Variants in TBC1D2 observed in about 807,000 individuals in gnomAD.
The protein encoded by TBC1D2 is TBC1 domain family member 2A.
Under a neutral mutation model 91.1 loss-of-function variants are expected in TBC1D2, and 58 were observed. The observed-to-expected ratio is 0.64, with a 90% CI of 0.52 to 0.79. The LOEUF is 0.79. Among genes scored for constraint, TBC1D2 ranks in the 30% least tolerant of loss-of-function variants. The pLI is 0.00. For synonymous variants in TBC1D2, 482 were observed against 511.5 expected (o/e 0.94, Z 0.78); for missense variants, 1,080 against 1,208.3 (o/e 0.89, Z 1.57).
chr9:98,236,065 G>A (rs2119153309), intron 3 of TBC1D2, among the ~76,000 whole-genome samples: 1 of 151,508 alleles, frequency 6.6e-6, no homozygotes, highest in South Asian at 2.1e-4. Context: ...TCAGGGAGTT[G>A]TCATGATCAA....
rs1461954980 is a variant in TBC1D2, at chr9:98,247,716, G to A, written c.512-3587C>T. On this transcript the variant is annotated intron_variant, in intron 2 of 12. Transcript: ENST00000465784. The stretch of plus-strand genomic sequence containing the variant: ...TGTACTCCAGCCTGGGTGACAGAGC[G>A]AGACTCCGTCTCAAAAAAAAAAAAA... 2.6e-5 allele frequency among the ~76,000 whole-genome samples: 3 copies of A among 114,060 alleles called. No individual in the cohort carries two copies. In the East Asian group the frequency reaches 7.3e-4, roughly 28 times the overall value. 74.8% of individuals were successfully genotyped at this position (114,060 alleles called of 152,430 possible). A position where few individuals can be genotyped will look rare whatever the true frequency, so the allele number is the denominator to read the frequency against.
intron 10 of TBC1D2, among the ~76,000 whole-genome samples, chr9:98,202,332 T>C (rs1170544124): frequency 6.6e-6 from 1 of 152,200 alleles, no homozygotes; most frequent in Non-Finnish European, 1.5e-5. Flanking sequence ...CATGGTTCTT[T>C]CGTGGTTCTC....
chr9:98,239,481 A>T (rs1829586099), intron 3 of TBC1D2, among the ~76,000 whole-genome samples: 1 of 152,230 alleles, frequency 6.6e-6, no homozygotes, highest in Non-Finnish European at 1.5e-5. Context: ...ACATAAATTG[A>T]ATTTCAGATG....
In TBC1D2 at chr9:98,199,355, G is replaced by T. The variant is rs1828417592; in HGVS notation, c.*26C>A. The stretch of plus-strand genomic sequence containing the variant: ...GGGTCTGCCAGCCAAGGGTGAGGAA[G>T]GCTGTGGGGAGGGGAGGTGGCCAAG... On this transcript the variant is annotated 3_prime_UTR_variant, in exon 13 of 13. Transcript: ENST00000465784. 1.2e-6 allele frequency: 2 copies of T among 1,611,702 alleles called. No individual in the cohort carries two copies. The highest frequency in any genetic ancestry group is 4.5e-5 in the East Asian group (2 of 44,886).
Position 98,208,989 on chromosome 9 carries a change from C to T in TBC1D2, c.1829G>A (p.Gly610Asp), listed in dbSNP as rs1376357094. 6.2e-7 allele frequency: 1 copy of T among 1,613,990 alleles called. No homozygotes were observed. The highest frequency in any genetic ancestry group is 8.5e-7 in the Non-Finnish European group (1 of 1,180,026). Residue 610 changes from glycine to aspartate, a missense_variant, in exon 9 of 13, where the codon GGC becomes GAC. Coordinates refer to ENST00000465784, the MANE Select transcript of TBC1D2 (RefSeq NM_001267571.2). Reference protein sequence around the residue: ...RPLRERWAALGDLVPSAELKQ... With the variant: ...RPLRERWAALDDLVPSAELKQ... The stretch of plus-strand genomic sequence containing the variant: ...GAGCTCGGCTGAGGGCACAAGATCG[C>T]CCAGGGCAGCCCAGCGCTCCCTCAG...
chr9:98,251,327 A>G (rs1829870042), intron 2 of TBC1D2, among the ~76,000 whole-genome samples: 1 of 151,742 alleles, frequency 6.6e-6, no homozygotes, highest in Non-Finnish European at 1.5e-5. Flanking sequence ...CCAACTCACG[A>G]CACAAATCTA....
intron 3 of TBC1D2, among the ~76,000 whole-genome samples, chr9:98,242,853 C>T (rs1829679348): frequency 8.3e-6 from 1 of 120,736 alleles, no homozygotes; most frequent in Non-Finnish European, 1.6e-5. Context: ...CACTCTGTTG[C>T]TCAGGCTAGG....
At chr9:98,219,791 A>G (rs1343327029) in intron 6 of TBC1D2, among the ~76,000 whole-genome samples, 1 of 152,222 alleles carries the variant, frequency 6.6e-6, no homozygotes, top group Non-Finnish European at 1.5e-5. Context: ...TTATGGGACC[A>G]TCACATATGC....
intron 3 of TBC1D2, chr9:98,235,230 G>T: frequency 3.3e-6 from 1 of 303,532 alleles, no homozygotes; most frequent in South Asian, 3.8e-5. Flanking sequence ...TGGGACATAG[G>T]AGGACAACCC....
In TBC1D2 at chr9:98,228,250, C is replaced by T. The variant is rs939709184; in HGVS notation, c.978+702G>A. On this transcript the variant is annotated intron_variant, in intron 5 of 12. Coordinates refer to ENST00000465784, the MANE Select transcript of TBC1D2 (RefSeq NM_001267571.2). This position sits in a 1 kb window ranked among gnomAD's most constrained non-coding sequence, Gnocchi z 4.0. ...ATCACTCTAAAGAGGGGCTCCCGCC[C>T]GGAGCTGCAGCCCTCTCACATCTTT... is the stretch of plus-strand genomic sequence containing the variant. Among the ~76,000 whole-genome samples, 7 of 152,322 alleles carry T rather than the reference C, an allele frequency of 4.6e-5. No homozygotes were observed. Among genetic ancestry groups the T allele is most frequent in the East Asian group, 3.9e-4 (2 of 5,176 alleles).
intron 1 of TBC1D2, among the ~76,000 whole-genome samples, chr9:98,253,945 C>G (rs189833707): frequency 6.6e-6 from 1 of 152,224 alleles, no homozygotes; most frequent in Non-Finnish European, 1.5e-5. Context: ...ATTATAAAGA[C>G]CATGTGTTGA....
chr9:98,200,718 A>G (rs1360220971), intron 11 of TBC1D2, among the ~76,000 whole-genome samples: 2 of 152,172 alleles, frequency 1.3e-5, no homozygotes, highest in Admixed American at 6.5e-5. Flanking sequence ...TTTGGCAAGA[A>G]CCAGATGAAA....
chr9:98,199,637 G>A (rs1828432038), intron 12 of TBC1D2, 49 bp from the exon 13 acceptor site: 1 of 1,597,976 alleles, frequency 6.3e-7, no homozygotes, highest in East Asian at 2.2e-5. Flanking sequence ...CACCTGGCCG[G>A]CGTTTACCCG....
Position 98,242,316 on chromosome 9 carries a change from C to T in TBC1D2, c.647+1678G>A, listed in dbSNP as rs146797105. Among the ~76,000 whole-genome samples the T allele has an allele frequency of 4.4e-3, 672 of 152,142 alleles. 6 individuals are homozygous for T. Among genetic ancestry groups the T allele is most frequent in the African/African-American group, 0.015 (619 of 41,490 alleles). ...GTCAGCCGGGCGTGGTGGTGGGTGC[C>T]TGTAATCCTAGCTGCTATGGAAGCT... On this transcript the variant is annotated intron_variant, in intron 3 of 12. Transcript: ENST00000465784.
chr9:98,243,129 A>G (rs1225748803), intron 3 of TBC1D2, among the ~76,000 whole-genome samples: 1 of 151,670 alleles, frequency 6.6e-6, no homozygotes, highest in African/African-American at 2.4e-5. Flanking sequence ...TGACAATAGT[A>G]AGGTATATAT....
chr9:98,236,568 C>T (rs571548808), intron 3 of TBC1D2, among the ~76,000 whole-genome samples: 129 of 152,292 alleles, frequency 8.5e-4, no homozygotes, highest in African/African-American at 3.0e-3. Context: ...TTATCTATAA[C>T]ATTTCATTAT....
intron 2 of TBC1D2, among the ~76,000 whole-genome samples, chr9:98,250,272 A>T (rs1287441197): frequency 6.6e-6 from 1 of 152,144 alleles, no homozygotes; most frequent in Non-Finnish European, 1.5e-5. Context: ...TGAGATCAGG[A>T]GGGATGAGCC....
intron 6 of TBC1D2, among the ~76,000 whole-genome samples, chr9:98,219,651 G>A (rs1329670316): frequency 6.6e-6 from 1 of 152,206 alleles, no homozygotes. Flanking sequence ...AATACCATAG[G>A]TGGCTGTCAC....
Position 98,199,370 on chromosome 9 carries a change from A to AAGGTCTGCCAGCCAAG in TBC1D2, c.*10_*11insCTTGGCTGGCAGACCT. On this transcript the variant is annotated 3_prime_UTR_variant, in exon 13 of 13. Transcript: ENST00000465784. ...GGGTGAGGAAGGCTGTGGGGAGGGGAGGTGGCCAAGTCAGGCTTCCCCCTC... is the reference window on the plus strand; with the variant it reads ...GGGTGAGGAAGGCTGTGGGGAGGGGAAGGTCTGCCAGCCAAGGGTGGCCAAGTCAGGCTTCCCCCTC... 6.2e-7 allele frequency: 1 copy of AAGGTCTGCCAGCCAAG among 1,612,102 alleles called. No homozygotes were observed. Among genetic ancestry groups the AAGGTCTGCCAGCCAAG allele is most frequent in the Non-Finnish European group, 8.5e-7 (1 of 1,179,770 alleles).
Sources: gnomAD v4.1 joint callset for allele counts (sites outside exome capture counted in the v4.1 genomes callset) on GRCh38, gnomAD v4.1.1 for gene constraint, Gnocchi (gnomAD v3.1) non-coding constraint, MANE v1.5 for transcripts, NCBI Gene and HGNC (gene_info 2026-07-23, HGNC 2026-07-21) for gene names.